The following UIMC1 variants were observed in gnomAD, a reference collection of about 807,000 sequenced individuals.
The protein encoded by UIMC1 is ubiquitin interaction motif containing 1.
UIMC1 carries 42 observed loss-of-function variants against 84.9 expected under a neutral mutation model. The observed-to-expected ratio is 0.49, with a 90% CI of 0.39 to 0.64. UIMC1 has a LOEUF of 0.64. Among genes scored for constraint, UIMC1 ranks in the 30% least tolerant of loss-of-function variants. UIMC1 has a pLI of 0.00. For missense variants in UIMC1, 825 were observed against 847.6 expected (o/e 0.97, Z 0.33); for synonymous variants, 281 against 293.0 (o/e 0.96, Z 0.42).
intron 10 of UIMC1, 57 bp downstream of exon 10, chr5:176,943,278 G>T: frequency 8.8e-6 from 14 of 1,590,078 alleles, no homozygotes; most frequent in Non-Finnish European, 1.1e-5. Flanking sequence ...TAATGTATAG[G>T]ATTATAAAAC....
At chr5:176,909,382 T>C (rs1265225415) in intron 11 of UIMC1, among the ~76,000 whole-genome samples, 4 of 152,350 alleles carry the variant, frequency 2.6e-5, no homozygotes, top group East Asian at 1.9e-4. Context: ...TGAGTATTTA[T>C]TAAGTATTTT....
intron 11 of UIMC1, among the ~76,000 whole-genome samples, chr5:176,909,229 G>A (rs1472858512): frequency 6.6e-6 from 1 of 152,140 alleles, no homozygotes; most frequent in Admixed American, 6.5e-5. Context: ...TCTGCCAGAG[G>A]CTTTTGCGTA....
In UIMC1 at chr5:176,968,678, C is replaced by T; in HGVS notation, c.1077G>A (p.Glu359=). The T allele has an allele frequency of 6.2e-7, 1 of 1,614,148 alleles. No individual in the cohort carries two copies. The highest frequency in any genetic ancestry group is 8.5e-7 in the Non-Finnish European group (1 of 1,180,032). ...CAGATGCCCTAGACTCCTGCCTCTC[C>T]TCTTTGTCTTCATCTCCCATATCTT... ...ISEDMGDEDK[E]ERQESRASDW... The change falls in exon 6 of 15, where the codon GAG becomes GAA. Residue 359 remains glutamate, a synonymous_variant. Coordinates refer to ENST00000511320, the MANE Select transcript of UIMC1 (RefSeq NM_001199298.2).
chr5:176,953,631 C>T (rs1489379490), intron 8 of UIMC1, among the ~76,000 whole-genome samples: 1 of 151,798 alleles, frequency 6.6e-6, no homozygotes, highest in African/African-American at 2.4e-5. Flanking sequence ...AAAGTAAGAA[C>T]CATTCACTGC....
chr5:176,975,219 A>T (rs1479004352), intron 3 of UIMC1, among the ~76,000 whole-genome samples, 177 bp downstream of exon 3: 1 of 152,192 alleles, frequency 6.6e-6, no homozygotes, highest in Non-Finnish European at 1.5e-5. Flanking sequence ...AGATACAGGA[A>T]ACTGAAAAAA....
intron 7 of UIMC1, 146 bp downstream of exon 7, chr5:176,957,947 A>C: frequency 1.8e-6 from 1 of 548,344 alleles, no homozygotes; most frequent in Non-Finnish European, 3.1e-6. Flanking sequence ...ACTTAGAGAT[A>C]CTAATAAAAT....
chr5:176,908,233 A>G (rs1219440915), intron 12 of UIMC1, among the ~76,000 whole-genome samples: 1 of 152,174 alleles, frequency 6.6e-6, no homozygotes, highest in Non-Finnish European at 1.5e-5. Flanking sequence ...AAAAGACTGG[A>G]AGAAAATAGG....
rs545578666 is a variant in UIMC1 at position 176,973,019 on chromosome 5, G to A, written c.233-2153C>T. Among the ~76,000 whole-genome samples the A allele has an allele frequency of 2.1e-4, 32 of 151,086 alleles. No individual in the cohort carries two copies. The South Asian group carries it at 3.3e-3, about 16-fold the overall frequency. On this transcript the variant is annotated intron_variant, in intron 3 of 14. Coordinates refer to ENST00000511320, the MANE Select transcript of UIMC1 (RefSeq NM_001199298.2). Reference sequence around the variant, plus strand: ...CAACCTCTGCCTCCCAGGTTCAAGCGATACTCCTCCCTCAGCCTCCGAAGT... The same window carrying A: ...CAACCTCTGCCTCCCAGGTTCAAGCAATACTCCTCCCTCAGCCTCCGAAGT...
At chr5:176,964,228 G>A (rs1767965948) in intron 6 of UIMC1, among the ~76,000 whole-genome samples, 1 of 152,154 alleles carries the variant, frequency 6.6e-6, no homozygotes, top group South Asian at 2.1e-4. Flanking sequence ...GAAAGCAAAA[G>A]ATTGAGAGGT....
In UIMC1 at chr5:176,968,551, T is replaced by TG; in HGVS notation, c.1200+3_1200+4insC. 5 of 1,602,036 alleles carry TG rather than the reference T, an allele frequency of 3.1e-6. No individual in the cohort carries two copies. Among genetic ancestry groups the TG allele is most frequent in the South Asian group, 1.1e-5 (1 of 88,784 alleles). On this transcript the variant is annotated splice_donor_region_variant and intron_variant, in intron 6 of 14. Transcript: ENST00000511320. ...TCCTTAATTACAGCATCACTGACCCTTACCTGACCATGACTGGTTGTTGGT... is the reference window on the plus strand; with the variant it reads ...TCCTTAATTACAGCATCACTGACCCTGTACCTGACCATGACTGGTTGTTGGT...
chr5:176,919,688 A>G (rs977248387), intron 10 of UIMC1, among the ~76,000 whole-genome samples: 1 of 152,206 alleles, frequency 6.6e-6, no homozygotes, highest in Non-Finnish European at 1.5e-5. Flanking sequence ...AAGTGGTCCA[A>G]CTTCATGGTT....
At chr5:176,940,900 G>A (rs1764338593) in intron 10 of UIMC1, among the ~76,000 whole-genome samples, 1 of 152,172 alleles carries the variant, frequency 6.6e-6, no homozygotes, top group African/African-American at 2.4e-5. Flanking sequence ...TTTCACAGAT[G>A]CATAAAGGGA....
chr5:177,005,997 G>A (rs1414719969), intron 1 of UIMC1, among the ~76,000 whole-genome samples: 1 of 152,148 alleles, frequency 6.6e-6, no homozygotes, highest in Non-Finnish European at 1.5e-5. Context: ...GATCTCCAAG[G>A]AGTGCGCTGG....
At chr5:176,985,491 A>G (rs1315116678) in intron 1 of UIMC1, among the ~76,000 whole-genome samples, 1 of 151,988 alleles carries the variant, frequency 6.6e-6, no homozygotes, top group East Asian at 1.9e-4. Flanking sequence ...TAAATATACA[A>G]ATCTCATTCT....
intron 1 of UIMC1, among the ~76,000 whole-genome samples, chr5:176,983,571 C>G (rs1227080764): frequency 6.6e-6 from 1 of 152,190 alleles, no homozygotes; most frequent in Non-Finnish European, 1.5e-5. Context: ...GTGGCATGAT[C>G]TCGGCTCGCT....
chr5:176,927,505 C>T (rs147409848), intron 10 of UIMC1, among the ~76,000 whole-genome samples: 19 of 152,150 alleles, frequency 1.2e-4, no homozygotes, highest in African/African-American at 4.6e-4. Context: ...TCACCCACCT[C>T]GACCTCCCAA....
Position 176,994,891 on chromosome 5 carries a change from C to T in UIMC1, c.-9+11759G>A, listed in dbSNP as rs148048561. Among the ~76,000 whole-genome samples, 1,384 of 151,712 alleles carry T rather than the reference C, an allele frequency of 9.1e-3. 8 individuals are homozygous for T. The highest frequency in any genetic ancestry group is 0.025 in the South Asian group (120 of 4,820). Reference sequence around the variant, plus strand: ...AGGAACTTACAAAACTTGTGAAACACAGGTATTTGTAGAAATAGTTATGAG... The same window carrying T: ...AGGAACTTACAAAACTTGTGAAACATAGGTATTTGTAGAAATAGTTATGAG... On this transcript the variant is annotated intron_variant, in intron 1 of 14. Transcript: ENST00000511320.
chr5:176,983,487 G>A lies in UIMC1; in HGVS notation c.-8-864C>T, dbSNP rs529352475. On this transcript the variant is annotated intron_variant, in intron 1 of 14. Transcript: ENST00000511320. The stretch of plus-strand genomic sequence containing the variant: ...TGGCCTCGGGTGATCTGCCCGCCTC[G>A]GCCTCCCGAGGTGCTGGGATTGCAG... Among the ~76,000 whole-genome samples, 109 of 152,168 alleles carry A rather than the reference G, an allele frequency of 7.2e-4. 1 individual carries two copies. Among genetic ancestry groups the A allele is most frequent in the Admixed American group, 1.5e-3 (23 of 15,274 alleles).
Position 177,014,631 on chromosome 5 carries a change from G to A in UIMC1, c.-9+7833C>T, listed in dbSNP as rs187796486. On this transcript the variant is annotated intron_variant, in intron 1 of 5. Transcript: ENST00000509236. ...AGAATCGCTTGAACCTGGGAGGGCA[G>A]AGGTTGCAGTGAGGTGAAATCACAG... 2.0e-5 allele frequency among the ~76,000 whole-genome samples: 3 copies of A among 152,268 alleles called. No homozygotes were observed. In the East Asian group the frequency reaches 5.8e-4, roughly 29 times the overall value.
Sources: gnomAD v4.1 joint callset for allele counts (sites outside exome capture counted in the v4.1 genomes callset) on GRCh38, gnomAD v4.1.1 for gene constraint, MANE v1.5 for transcripts, NCBI Gene and HGNC (gene_info 2026-07-23, HGNC 2026-07-21) for gene names.